Variants in ZNF219 observed in about 807,000 individuals in gnomAD.
ZNF219 encodes the protein zinc finger protein 219.
Under a neutral mutation model 54.4 loss-of-function variants are expected in ZNF219, and 17 were observed. That is an observed-to-expected ratio of 0.31 (90% confidence interval 0.21 to 0.47). The LOEUF is 0.47. ZNF219 is among the 20% of genes least tolerant of loss of function. ZNF219 has a pLI of 1.00. For missense variants in ZNF219, 1,014 were observed against 1,062.3 expected (o/e 0.95, Z 0.63); for synonymous variants, 518 against 476.4 (o/e 1.09, Z -1.14).
chr14:21,099,761 A>G (rs1414830330), upstream of ZNF219, among the ~76,000 whole-genome samples: 2 of 152,250 alleles, frequency 1.3e-5, no homozygotes, highest in Non-Finnish European at 2.9e-5. Context: ...TGGTATTATT[A>G]ACTTCCTTTT....
chr14:21,092,509 G>A lies in ZNF219; in HGVS notation c.788C>T (p.Ala263Val). 6.4e-7 allele frequency: 1 copy of A among 1,550,920 alleles called. No homozygotes were observed. Among genetic ancestry groups the A allele is most frequent in the Non-Finnish European group, 8.7e-7 (1 of 1,147,178 alleles). ...EREATPTPAP[A>V]APEEPPAPPE... ...AGGCGCTGGGGGCTCCTCGGGAGCG[G>A]CAGGAGCTGGGGTCGGGGTTGCCTC... Residue 263 changes from alanine (A) to valine (V), a missense_variant, in exon 3 of 5, where the codon GCC becomes GTC. By Grantham distance (64) the Ala-to-Val change is moderately conservative. Around this residue, in one of 5 missense-constraint regions of ZNF219, gnomAD observed 395 missense variants for 415.1 expected, o/e 0.95. Coordinates refer to ENST00000360947, the MANE Select transcript of ZNF219 (RefSeq NM_016423.3).
rs765167319 is a variant in ZNF219 at position 21,091,115 on chromosome 14, G to A, written c.1590C>T (p.His530=). 6.0e-5 allele frequency: 96 copies of A among 1,591,176 alleles called. No homozygotes were observed. Among genetic ancestry groups the A allele is most frequent in the Non-Finnish European group, 7.5e-5 (88 of 1,172,772 alleles). ...CGGACTGGGTGCCCGCGTAGTCGCA[G>A]TGCGGACACTTGTAGGGCCGCTCGC... is the stretch of plus-strand genomic sequence containing the variant. ...HTGERPYKCP[H]CDYAGTQSGS... The change falls in exon 5 of 5, where the codon CAC becomes CAT. Residue 530 remains histidine, a synonymous_variant. Transcript: ENST00000360947.
chr14:21,093,821 T>C, intron 1 of ZNF219, 147 bp from the exon 2 acceptor site: 1 of 699,100 alleles, frequency 1.4e-6, no homozygotes, highest in Middle Eastern at 2.4e-4. Flanking sequence ...GGGGCTGCTA[T>C]ACTCAAAAAC....
intron 2 of ZNF219, 129 bp from the exon 3 acceptor site, chr14:21,093,419 T>A (rs980720530): frequency 1.4e-6 from 2 of 1,457,844 alleles, no homozygotes; most frequent in Non-Finnish European, 1.9e-6. Flanking sequence ...GAACACAGGG[T>A]GCTACTCACC....
chr14:21,102,461 G>T, upstream of ZNF219: 2 of 1,551,686 alleles, frequency 1.3e-6, no homozygotes. Flanking sequence ...TCATAGTGGT[G>T]GTGGTCGAGG....
upstream of ZNF219, chr14:21,098,836 C>T: frequency 1.6e-6 from 2 of 1,288,250 alleles, no homozygotes; most frequent in South Asian, 1.2e-5. Context: ...CTCTGCCGCT[C>T]TTTCTGCCCC....
chr14:21,098,117 C>A (rs1418686691), intron 1 of ZNF219, among the ~76,000 whole-genome samples, 195 bp downstream of exon 1: 1 of 150,584 alleles, frequency 6.6e-6, no homozygotes, highest in African/African-American at 2.4e-5. Flanking sequence ...CCGCCACCCC[C>A]ACCCCGCCCC....
upstream of ZNF219, chr14:21,102,837 C>T (rs1265013804): frequency 6.6e-7 from 1 of 1,526,198 alleles, no homozygotes; most frequent in Non-Finnish European, 8.8e-7. Flanking sequence ...TTTCCACTGC[C>T]TATCCTGGTC....
upstream of ZNF219, chr14:21,098,954 T>C (rs1283640022): frequency 3.7e-6 from 3 of 805,764 alleles, no homozygotes; most frequent in Non-Finnish European, 5.1e-6. Context: ...ATAGAGATAG[T>C]TAATGTCGGC....
chr14:21,091,810 C>T lies in ZNF219; in HGVS notation c.1432+55G>A, dbSNP rs1399451128. On this transcript the variant is annotated intron_variant, in intron 3 of 4. Transcript: ENST00000360947. ...CAAGGAAGCTACGAGGGAGTGGCGGCGTAAGAGTCAGAGGAGGACGCGGCG... is the reference window on the plus strand; with the variant it reads ...CAAGGAAGCTACGAGGGAGTGGCGGTGTAAGAGTCAGAGGAGGACGCGGCG... The T allele has an allele frequency of 7.4e-6, 11 of 1,480,708 alleles. 1 individual carries two copies. Among genetic ancestry groups the T allele is most frequent in the South Asian group, 2.8e-5 (2 of 72,066 alleles). The allele number at this position is 1,480,708 out of a possible 1,614,324, so 91.7% of individuals were successfully genotyped here.
upstream of ZNF219, chr14:21,103,046 A>G: frequency 1.3e-6 from 2 of 1,538,966 alleles, no homozygotes; most frequent in Non-Finnish European, 8.8e-7. Flanking sequence ...GGGAAACAGG[A>G]TAGAAAATTG....
chr14:21,092,607 AGGC>A lies in ZNF219; in HGVS notation c.687_689del (p.Gln229_Pro230delinsHis), dbSNP rs1889007176. 6.5e-7 allele frequency: 1 copy of A among 1,550,368 alleles called. No homozygotes were observed. The highest frequency in any genetic ancestry group is 8.7e-7 in the Non-Finnish European group (1 of 1,149,324). ...CGGGCTGGGGTGGAGGCTGAGGCTGAGGCTGAGGCGGAGGCGCAGCGGAGGTGG... is the reference window on the plus strand; with the variant it reads ...CGGGCTGGGGTGGAGGCTGAGGCTGATGAGGCGGAGGCGCAGCGGAGGTGG... On this transcript the variant is annotated inframe_deletion, in exon 3 of 5. Coordinates refer to ENST00000360947, the MANE Select transcript of ZNF219 (RefSeq NM_016423.3).
upstream of ZNF219, chr14:21,102,513 C>T (rs1393386273): frequency 6.4e-7 from 1 of 1,551,620 alleles, no homozygotes; most frequent in African/African-American, 1.4e-5. Context: ...TGCCTCCTCC[C>T]AGGTACTGGT....
In ZNF219 at chr14:21,092,522, T is replaced by A; in HGVS notation, c.775A>T (p.Thr259Ser). The A allele has an allele frequency of 6.5e-7, 1 of 1,549,426 alleles. No homozygotes were observed. The highest frequency in any genetic ancestry group is 8.7e-7 in the Non-Finnish European group (1 of 1,146,596). The change falls in exon 3 of 5, where the codon ACC becomes TCC. Residue 259 changes from threonine (T) to serine (S), a missense_variant. Physicochemically the swap from Thr to Ser is moderately conservative, Grantham distance 58. Around this residue, in one of 5 missense-constraint regions of ZNF219, gnomAD observed 395 missense variants for 415.1 expected, o/e 0.95. Transcript: ENST00000360947. Reference sequence around the variant, plus strand: ...TCCTCGGGAGCGGCAGGAGCTGGGGTCGGGGTTGCCTCACGTTCGGGCTCC... The same window carrying A: ...TCCTCGGGAGCGGCAGGAGCTGGGGACGGGGTTGCCTCACGTTCGGGCTCC... ...EPEPEREATPTPAPAAPEEPP... is the reference protein window; with the variant it reads ...EPEPEREATPSPAPAAPEEPP...
intron 1 of ZNF219, among the ~76,000 whole-genome samples, chr14:21,095,690 G>C (rs1386580992): frequency 6.6e-6 from 1 of 152,154 alleles, no homozygotes; most frequent in African/African-American, 2.4e-5. Flanking sequence ...GTGCTAGAGG[G>C]GCTGTTTGCC....
intron 3 of ZNF219, 134 bp from the exon 4 acceptor site, chr14:21,091,676 T>G: frequency 6.8e-7 from 1 of 1,470,336 alleles, no homozygotes; most frequent in African/African-American, 1.4e-5. Context: ...GGGGTTAGAT[T>G]TGTTGTGACT....
chr14:21,102,597 C>A, upstream of ZNF219: 2 of 1,550,866 alleles, frequency 1.3e-6, no homozygotes, highest in Admixed American at 2.0e-5. Context: ...CAAACAGGTG[C>A]GGGGTCCCTG....
upstream of ZNF219, chr14:21,098,976 CATT>C (rs1312903776): frequency 2.2e-5 from 13 of 597,358 alleles, no homozygotes; most frequent in African/African-American, 4.0e-5. Context: ...GTATAAGAAA[CATT>C]ATTAAAGTTA....
At chr14:21,095,892 A>G (rs970738697) in intron 1 of ZNF219, among the ~76,000 whole-genome samples, 2 of 152,226 alleles carry the variant, frequency 1.3e-5, no homozygotes, top group Admixed American at 6.5e-5. Context: ...GAGCATCCTG[A>G]CAGTTACAGT....
Sources: gnomAD v4.1 joint callset for allele counts (sites outside exome capture counted in the v4.1 genomes callset) on GRCh38, gnomAD v4.1.1 for gene constraint, gnomAD v4.1.1 regional missense constraint, MANE v1.5 for transcripts, NCBI Gene and HGNC (gene_info 2026-07-23, HGNC 2026-07-21) for gene names.